The following KCTD1 variants were observed in gnomAD, a reference collection of about 807,000 sequenced individuals.
KCTD1 encodes the protein potassium channel tetramerization domain containing 1.
KCTD1 carries 24 observed loss-of-function variants against 66.0 expected under a neutral mutation model. That is an observed-to-expected ratio of 0.36 (90% CI 0.26 to 0.51). The LOEUF is 0.51. KCTD1 is among the 20% of genes least tolerant of loss of function. KCTD1 has a pLI of 0.95. For synonymous variants in KCTD1, 511 were observed against 517.2 expected, an observed-to-expected ratio of 0.99 and a Z score of 0.16; for missense variants, 943 against 1,205.2, an observed-to-expected ratio of 0.78 and a Z score of 3.22.
chr18:26,650,579 G>A (rs1988012482), intron 1 of KCTD1, among the ~76,000 whole-genome samples: 2 of 152,204 alleles, frequency 1.3e-5, no homozygotes, highest in Non-Finnish European at 2.9e-5. Context: ...CTGAAGCTTA[G>A]AGAGATTCAG....
upstream of KCTD1, among the ~76,000 whole-genome samples, chr18:26,551,977 A>G (rs1235677359): frequency 6.6e-6 from 1 of 152,170 alleles, no homozygotes; most frequent in Non-Finnish European, 1.5e-5. Context: ...TGCAGGATAC[A>G]TGACTTCTTT....
chr18:26,546,666 CA>C (rs1985234737), intron 1 of KCTD1, 61 bp downstream of exon 1: 4 of 1,485,160 alleles, frequency 2.7e-6, no homozygotes, highest in Non-Finnish European at 3.6e-6. Flanking sequence ...TGCATTAGCA[CA>C]AAAGTTAGTC....
chr18:26,541,387 C>G (rs7233016), intron 1 of KCTD1, among the ~76,000 whole-genome samples: 98,615 of 152,040 alleles, frequency 0.65, 32,509 homozygotes, highest in African/African-American at 0.77. Flanking sequence ...AGACACTTTT[C>G]ACTTACGATA....
At chr18:26,542,356 G>A (rs1017068869) in intron 1 of KCTD1, among the ~76,000 whole-genome samples, 6 of 152,152 alleles carry the variant, frequency 3.9e-5, no homozygotes, top group Non-Finnish European at 7.4e-5. Context: ...TTGGTACAAT[G>A]CAATGAATGA....
intron 1 of KCTD1, among the ~76,000 whole-genome samples, chr18:26,647,479 C>G (rs1045241646): frequency 3.9e-5 from 5 of 127,290 alleles, no homozygotes; most frequent in Non-Finnish European, 7.8e-5. Flanking sequence ...GAGATCATGC[C>G]GCTACACTCC....
At chr18:26,626,470 A>AT (rs71169868) in intron 1 of KCTD1, among the ~76,000 whole-genome samples, 11 of 108,196 alleles carry the variant, frequency 1.0e-4, no homozygotes, top group Non-Finnish European at 1.2e-4. Context: ...TGAGGAGGTG[A>AT]TTTTTTTTTT....
Position 26,501,147 on chromosome 18 carries a change from G to A in KCTD1, c.1913C>T (p.Ala638Val), listed in dbSNP as rs587776998. The A allele has an allele frequency of 6.2e-7, 1 of 1,614,198 alleles. No homozygotes were observed. Among genetic ancestry groups the A allele is most frequent in the African/African-American group, 1.3e-5 (1 of 75,062 alleles). The part of the protein sequence containing the change: ...PTPAQLTKSN[A>V]PVHIDVGGHM... ...GCCGCCCACATCAATGTGGACAGGC[G>A]CATTGGATTTTGTGAGTTGTGCTGG... is the stretch of plus-strand genomic sequence containing the variant. The change falls in exon 2 of 5, where the codon GCG becomes GTG. Residue 638 changes from alanine (A) to valine (V), a missense_variant. Physicochemically the swap from Ala to Val is moderately conservative, Grantham distance 64 (BLOSUM62 0). Around this residue, in one of 10 missense-constraint regions of KCTD1, gnomAD observed 41 missense variants for 103.8 expected, o/e 0.39. Coordinates refer to ENST00000580059, the MANE Select transcript of KCTD1 (RefSeq NM_001142730.3).
chr18:26,550,555 AAGACACAC>A (rs1158979855), upstream of KCTD1, among the ~76,000 whole-genome samples: 11 of 105,426 alleles, frequency 1.0e-4, no homozygotes, highest in African/African-American at 4.4e-4. The surrounding 1 kb of genome is among the most constrained non-coding windows in gnomAD (Gnocchi z 5.4). Flanking sequence ...AGGGAAACAC[AAGACACAC>A]AGACACACAC....
intron 1 of KCTD1, among the ~76,000 whole-genome samples, chr18:26,502,304 C>T (rs1455851159): frequency 6.6e-6 from 1 of 152,192 alleles, no homozygotes; most frequent in Admixed American, 6.5e-5. Context: ...CCACCTCGGC[C>T]TCCCAAAGTG....
At chr18:26,473,517 A>G (rs1273721461) in intron 3 of KCTD1, among the ~76,000 whole-genome samples, 1 of 151,946 alleles carries the variant, frequency 6.6e-6, no homozygotes, top group Non-Finnish European at 1.5e-5. Context: ...ACGTTTACCT[A>G]TGTAACAAAC....
intron 2 of KCTD1, among the ~76,000 whole-genome samples, chr18:26,487,515 A>C (rs1981979235): frequency 6.6e-6 from 1 of 152,244 alleles, no homozygotes; most frequent in Non-Finnish European, 1.5e-5. Flanking sequence ...TTTATGTCGC[A>C]AGCTTATTTA....
At chr18:26,493,892 T>G (rs1022095735) in intron 2 of KCTD1, among the ~76,000 whole-genome samples, 2 of 152,202 alleles carry the variant, frequency 1.3e-5, no homozygotes, top group African/African-American at 2.4e-5. Flanking sequence ...AAAGCTCAAT[T>G]ACTTTTGCAC....
chr18:26,456,428 G>A (rs965250838), intron 4 of KCTD1: 1 of 152,234 alleles, frequency 6.6e-6, no homozygotes, highest in African/African-American at 2.4e-5. Context: ...TCCTAATACC[G>A]AGTTAATATA....
chr18:26,498,065 C>G (rs1001819621), intron 2 of KCTD1, among the ~76,000 whole-genome samples: 1 of 152,186 alleles, frequency 6.6e-6, no homozygotes, highest in Non-Finnish European at 1.5e-5. Context: ...TTTTCACAAT[C>G]ACATTTAATA....
chr18:26,589,182 C>T (rs907139647), intron 1 of KCTD1, among the ~76,000 whole-genome samples: 13 of 152,074 alleles, frequency 8.5e-5, no homozygotes, highest in African/African-American at 2.4e-4. Context: ...AGGATGGTAA[C>T]GTGAATGTGA....
At chr18:26,632,765 T>C (rs773831398), upstream of KCTD1, among the ~76,000 whole-genome samples, 2 of 152,158 alleles carry the variant, frequency 1.3e-5, no homozygotes, top group Non-Finnish European at 2.9e-5. Flanking sequence ...GCTACATCTA[T>C]ATGAATAAAA....
At chr18:26,631,774 C>T (rs531263613), upstream of KCTD1, among the ~76,000 whole-genome samples, 5 of 152,232 alleles carry the variant, frequency 3.3e-5, no homozygotes, top group South Asian at 1.0e-3. Context: ...CATGGCCGGG[C>T]GCGGTGGCTC....
chr18:26,509,921 G>A lies in KCTD1; in HGVS notation c.1810-8671C>T, dbSNP rs1247063255. 2.0e-5 allele frequency among the ~76,000 whole-genome samples: 3 copies of A among 152,180 alleles called. 1 individual carries two copies. The highest frequency in any genetic ancestry group is 4.1e-4 in the South Asian group (2 of 4,828). ...CTCATCTCTAAGACAGGAATAAATC[G>A]CCCTACCTGACAGAGGGGCAAAGAT... On this transcript the variant is annotated intron_variant, in intron 1 of 4. Coordinates refer to ENST00000580059, the MANE Select transcript of KCTD1 (RefSeq NM_001142730.3).
chr18:26,548,553 C>T lies in KCTD1; in HGVS notation c.-17G>A. The stretch of plus-strand genomic sequence containing the variant: ...TCTCGCCATATTGCCGTCTCTCTGC[C>T]AGTCCTCGGGCAGGGCGCATGCGCT... On this transcript the variant is annotated 5_prime_UTR_variant, in exon 1 of 5. Transcript: ENST00000580059. The T allele has an allele frequency of 8.9e-6, 11 of 1,229,458 alleles. No homozygotes were observed. Among genetic ancestry groups the T allele is most frequent in the Non-Finnish European group, 1.1e-5 (11 of 988,214 alleles). 76.2% of individuals were successfully genotyped at this position (1,229,458 alleles called of 1,614,324 possible). A position where few individuals can be genotyped will look rare whatever the true frequency, so the allele number is the denominator to read the frequency against.
Sources: allele counts gnomAD v4.1 joint callset (sites outside exome capture counted in the v4.1 genomes callset), GRCh38; gene constraint gnomAD v4.1.1; regional missense constraint gnomAD v4.1.1; non-coding constraint Gnocchi (gnomAD v3.1); transcripts MANE v1.5; gene names NCBI Gene and HGNC (gene_info 2026-07-23, HGNC 2026-07-21).